The following DCT variants were observed in gnomAD, a reference collection of about 807,000 sequenced individuals.
The protein encoded by DCT is L-dopachrome tautomerase.
A neutral mutation model predicts 53.0 loss-of-function variants in DCT; 47 were observed. That is an observed-to-expected ratio of 0.89 (90% CI 0.70 to 1.13). The LOEUF is 1.13. Among genes scored for constraint, DCT ranks in the 50% most tolerant of loss-of-function variants. The pLI is 0.00. For synonymous variants in DCT, 244 were observed against 237.0 expected (o/e 1.03, Z -0.27); for missense variants, 669 against 637.4 (o/e 1.05, Z -0.53).
chr13:94,526,786 C>A, the DCT span, among the ~76,000 whole-genome samples: 56 of 152,138 alleles, frequency 3.7e-4, 1 homozygote, highest in Non-Finnish European at 1.5e-5. Context: ...GTGGTTGCAG[C>A]CCATGGAGGG....
intron 6 of DCT, 55 bp from the exon 7 acceptor site, chr13:94,443,692 C>A: frequency 7.2e-7 from 1 of 1,380,546 alleles, no homozygotes; most frequent in South Asian, 1.2e-5. Flanking sequence ...CCGATCACAC[C>A]AACCTGACTG....
chr13:94,439,991 C>G lies in DCT; in HGVS notation c.1467G>C (p.Leu489=), dbSNP rs755873522. 5.6e-6 allele frequency: 9 copies of G among 1,613,882 alleles called. No homozygotes were observed. The highest frequency in any genetic ancestry group is 1.3e-5 in the African/African-American group (1 of 74,904). ...GTCTTCTATATTGAAGAAAAGCCAA[C>G]AGCACAAAAAGACCAACCAAAGCCA... The part of the protein sequence containing the change: ...TLVALVGLFV[L]LAFLQYRRLR... Residue 489 remains leucine, a synonymous_variant, in exon 8 of 8, where the codon CTG becomes CTC. Transcript: ENST00000377028.
chr13:94,440,102 A>G (rs1404341364), intron 7 of DCT, 26 bp from the exon 8 acceptor site: 1 of 1,592,656 alleles, frequency 6.3e-7, no homozygotes, highest in Non-Finnish European at 8.6e-7. Flanking sequence ...AGGGTCTACA[A>G]TCAGGATTTT....
the DCT span, among the ~76,000 whole-genome samples, chr13:94,506,586 A>T: frequency 3.9e-5 from 6 of 152,262 alleles, no homozygotes; most frequent in African/African-American, 1.4e-4. Flanking sequence ...GAATTTAATT[A>T]GTAAATATAG....
At position 94,443,578 on chromosome 13, in the gene DCT, A is replaced by C. The variant is rs1367986035; in HGVS notation, c.1239T>G (p.Pro413=). The stretch of plus-strand genomic sequence containing the variant: ...CCAGCTCCTGAGGCCAGGCATCTGC[A>C]GGAGGATTAAATCTTTTCATCCACT... ...FDEWMKRFNP[P]ADAWPQELAP... is the part of the protein sequence containing the mutation. The change falls in exon 7 of 8, where the codon CCT becomes CCG. Residue 413 remains proline, a synonymous_variant. Transcript: ENST00000377028. 1.2e-6 allele frequency: 2 copies of C among 1,614,100 alleles called. No homozygotes were observed. The highest frequency in any genetic ancestry group is 1.7e-6 in the Non-Finnish European group (2 of 1,179,972).
chr13:94,523,686 C>CT, the DCT span, among the ~76,000 whole-genome samples: 1 of 152,190 alleles, frequency 6.6e-6, no homozygotes, highest in Non-Finnish European at 1.5e-5. Flanking sequence ...TACGCCATTC[C>CT]TAAGCAGCAC....
chr13:94,510,108 T>G, the DCT span, among the ~76,000 whole-genome samples: 68,812 of 151,672 alleles, frequency 0.45, 16,869 homozygotes, highest in African/African-American at 0.63. Flanking sequence ...TAGATCTCTG[T>G]CCTCTCCTCA....
the DCT span, among the ~76,000 whole-genome samples, chr13:94,530,664 C>A: frequency 6.6e-6 from 1 of 152,060 alleles, no homozygotes; most frequent in Non-Finnish European, 1.5e-5. Context: ...CTATTTATGA[C>A]AAACCCACAG....
At chr13:94,453,326 T>A (rs1594286889) in intron 6 of DCT, among the ~76,000 whole-genome samples, 1 of 151,854 alleles carries the variant, frequency 6.6e-6, no homozygotes, top group Non-Finnish European at 1.5e-5. Flanking sequence ...TATGAGAATA[T>A]GAAAAGAAAT....
At chr13:94,546,345 TC>T in the DCT span, among the ~76,000 whole-genome samples, 2 of 152,124 alleles carry the variant, frequency 1.3e-5, no homozygotes, top group African/African-American at 4.8e-5. This position sits in a 1 kb window ranked among gnomAD's most constrained non-coding sequence, Gnocchi z 4.2. Flanking sequence ...CCCCACTGGT[TC>T]CTCTCCGTTA....
the DCT span, among the ~76,000 whole-genome samples, chr13:94,500,352 G>A: frequency 2.6e-5 from 4 of 152,222 alleles, no homozygotes; most frequent in Non-Finnish European, 5.9e-5. Context: ...AACAGGGGGA[G>A]CCCCTTAGAA....
In DCT at chr13:94,465,993, T is replaced by TATATATATA. The variant is rs1884184790; in HGVS notation, c.697-203_697-195dup. On this transcript the variant is annotated intron_variant, in intron 3 of 7. Transcript: ENST00000377028. ...TTATATATATATATATATATATATA[T>TATATATATA]ATATATATATATATATATATATATA... Among the ~76,000 whole-genome samples, 6 of 37,270 alleles carry TATATATATA rather than the reference T, an allele frequency of 1.6e-4. 1 individual carries two copies. The highest frequency in any genetic ancestry group is 1.4e-3 in the Admixed American group (6 of 4,440). 24.5% of individuals were successfully genotyped at this position (37,270 alleles called of 152,430 possible). A position where few individuals can be genotyped will look rare whatever the true frequency, so the allele number is the denominator to read the frequency against.
the DCT span, among the ~76,000 whole-genome samples, chr13:94,549,399 G>A: frequency 6.6e-6 from 1 of 152,210 alleles, no homozygotes; most frequent in Admixed American, 6.5e-5. Context: ...GGCGCCGAGG[G>A]TGCCTCTGGG....
chr13:94,472,379 TC>T (rs1428101160), intron 1 of DCT, among the ~76,000 whole-genome samples: 1 of 151,498 alleles, frequency 6.6e-6, no homozygotes, highest in East Asian at 1.9e-4. Context: ...CTAAAACTGC[TC>T]TAAAGTCTAT....
At position 94,437,768 on chromosome 13, in the gene DCT, G is replaced by A. The variant is rs1165742059; in HGVS notation, c.*2130C>T. The A allele has an allele frequency of 6.6e-6, 1 of 151,996 alleles. No individual in the cohort carries two copies. The allele number at this position is 151,996 out of a possible 1,614,324, so 9.4% of individuals were successfully genotyped here. On this transcript the variant is annotated 3_prime_UTR_variant, in exon 8 of 8. Coordinates refer to ENST00000377028, the MANE Select transcript of DCT (RefSeq NM_001922.5). ...TGCATTCATAATTGATTTATTGTAA[G>A]GTCAGAAAATGCTAGAAAATTGTAT...
chr13:94,500,285 G>A, the DCT span, among the ~76,000 whole-genome samples: 3 of 152,160 alleles, frequency 2.0e-5, no homozygotes, highest in East Asian at 1.9e-4. Flanking sequence ...ACAGTTCCAC[G>A]TGGCTGGGGA....
At chr13:94,504,753 A>C in the DCT span, among the ~76,000 whole-genome samples, 1 of 152,204 alleles carries the variant, frequency 6.6e-6, no homozygotes, top group Non-Finnish European at 1.5e-5. Context: ...AATGCCCATA[A>C]GCAACCCTCT....
intron 6 of DCT, chr13:94,452,583 A>G (rs766312358): frequency 1.3e-6 from 1 of 750,332 alleles, no homozygotes; most frequent in South Asian, 1.5e-5. Flanking sequence ...CCTTTAAGCC[A>G]GGGATTCTAT....
At chr13:94,509,833 A>G in the DCT span, among the ~76,000 whole-genome samples, 1 of 152,310 alleles carries the variant, frequency 6.6e-6, no homozygotes, top group African/African-American at 2.4e-5. Flanking sequence ...AATGTTATCT[A>G]CTATGATCAC....
Sources: gnomAD v4.1 joint callset for allele counts (sites outside exome capture counted in the v4.1 genomes callset) on GRCh38, gnomAD v4.1.1 for gene constraint, Gnocchi (gnomAD v3.1) non-coding constraint, MANE v1.5 for transcripts, NCBI Gene and HGNC (gene_info 2026-07-23, HGNC 2026-07-21) for gene names.